DNMBP: variants seen among roughly 807,000 people sequenced by gnomAD.
DNMBP encodes dynamin binding protein, also known as dynamin-binding protein.
Under a neutral mutation model 150.0 loss-of-function variants are expected in DNMBP, and 87 were observed. The ratio of observed to expected loss-of-function variants is 0.58; its 90% CI spans 0.49 to 0.69. The LOEUF (loss-of-function observed/expected upper bound fraction) is 0.69, where lower values mean the gene tolerates loss of function less well. DNMBP is among the 30% of genes least tolerant of loss of function. The pLI is 0.00. For synonymous variants in DNMBP, 711 were observed against 750.4 expected (o/e 0.95, Z 0.86); for missense variants, 1,774 against 1,949.0 (o/e 0.91, Z 1.69).
At chr10:99,958,810 C>T (rs2133336683) in intron 3 of DNMBP, among the ~76,000 whole-genome samples, 1 of 152,270 alleles carries the variant, frequency 6.6e-6, no homozygotes, top group East Asian at 1.9e-4. Flanking sequence ...AAGATTCACA[C>T]TCCAAAAGCA....
chr10:99,941,132 G>T (rs187345712), intron 4 of DNMBP, among the ~76,000 whole-genome samples: 1 of 152,086 alleles, frequency 6.6e-6, no homozygotes, highest in Non-Finnish European at 1.5e-5. Flanking sequence ...TGCTCCGCCC[G>T]CCTCGGCTTC....
Position 99,932,957 on chromosome 10 carries a change from T to C in DNMBP, c.2260+22257A>G, listed in dbSNP as rs570056786. Among the ~76,000 whole-genome samples the C allele has an allele frequency of 1.8e-4, 28 of 151,442 alleles. No homozygotes were observed. In the South Asian group the frequency reaches 4.8e-3, roughly 26 times the overall value. On this transcript the variant is annotated intron_variant, in intron 4 of 16. Transcript: ENST00000324109. Reference sequence around the variant, plus strand: ...GGGGAATAGCTTGTATGACTCTTTCTGATGAAAAACAGAGACTTACGGTTC... The same window carrying C: ...GGGGAATAGCTTGTATGACTCTTTCCGATGAAAAACAGAGACTTACGGTTC...
chr10:99,898,251 G>A lies in DNMBP; in HGVS notation c.2755C>T (p.Leu919Phe). The change falls in exon 9 of 17, where the codon CTC becomes TTC. Residue 919 changes from leucine to phenylalanine, a missense_variant. Physicochemically the swap from Leu to Phe is conservative, Grantham distance 22. Transcript: ENST00000324109. ...ATTACTCTCTGTACTGGTTTGATGA[G>A]GAAGGAGCCCAGGTTAATATAATTT... ...CTNYINLGSF[L>F]IKPVQRVMRY... The A allele has an allele frequency of 6.2e-7, 1 of 1,614,006 alleles. No individual in the cohort carries two copies. Among genetic ancestry groups the A allele is most frequent in the Non-Finnish European group, 8.5e-7 (1 of 1,179,960 alleles).
chr10:99,992,831 T>C (rs1564757538), intron 1 of DNMBP, among the ~76,000 whole-genome samples: 1 of 152,054 alleles, frequency 6.6e-6, no homozygotes, highest in African/African-American at 2.4e-5. Flanking sequence ...CGGCCGAGTC[T>C]AGGAGTTTTA....
In DNMBP at chr10:99,879,924, C is replaced by A. The variant is rs140468338; in HGVS notation, c.4435G>T (p.Val1479Leu). Residue 1479 changes from valine (V) to leucine (L), a missense_variant, in exon 16 of 17, where the codon GTA becomes TTA. Transcript: ENST00000324109. ...FRHPEIVGYS[V>L]PGRNGQSQDL... ...TGACTTTGCCCATTTCGTCCTGGTA[C>A]GGAGTAGCCAACTATTTCTGGATGC... is the stretch of plus-strand genomic sequence containing the variant. 6.2e-7 allele frequency: 1 copy of A among 1,614,136 alleles called. No homozygotes were observed. The highest frequency in any genetic ancestry group is 8.5e-7 in the Non-Finnish European group (1 of 1,180,052).
At chr10:99,930,911 C>A (rs981862102) in intron 4 of DNMBP, 2 of 546,522 alleles carry the variant, frequency 3.7e-6, no homozygotes, top group Non-Finnish European at 6.4e-6. Context: ...TTGCTCTAGT[C>A]GGAGCGCAGT....
intron 4 of DNMBP, among the ~76,000 whole-genome samples, chr10:99,926,421 TA>T (rs1426046471): frequency 6.6e-6 from 1 of 152,050 alleles, no homozygotes; most frequent in Non-Finnish European, 1.5e-5. Flanking sequence ...ACAGATATTT[TA>T]AAAAATAACT....
intron 2 of DNMBP, among the ~76,000 whole-genome samples, chr10:99,970,111 T>G (rs1325318888): frequency 6.6e-6 from 1 of 152,186 alleles, no homozygotes; most frequent in African/African-American, 2.4e-5. Flanking sequence ...GTTCTCACAT[T>G]CCAGGGACCT....
intron 1 of DNMBP, among the ~76,000 whole-genome samples, chr10:99,977,780 T>A (rs1047827442): frequency 6.6e-5 from 10 of 152,136 alleles, no homozygotes; most frequent in Non-Finnish European, 1.0e-4. Context: ...CTTTTAAAAA[T>A]TTTTTTCCAA....
At chr10:99,974,848 C>T (rs1249610388) in intron 1 of DNMBP, among the ~76,000 whole-genome samples, 1 of 152,184 alleles carries the variant, frequency 6.6e-6, no homozygotes, top group Non-Finnish European at 1.5e-5. Context: ...ACCGTAGCCT[C>T]GATATCCAGG....
At chr10:99,967,288 G>A (rs2040629131) in intron 3 of DNMBP, among the ~76,000 whole-genome samples, 1 of 152,116 alleles carries the variant, frequency 6.6e-6, no homozygotes, top group Non-Finnish European at 1.5e-5. Context: ...AGCACTTTGG[G>A]AGGCCAAGGT....
Position 99,972,076 on chromosome 10 carries a change from C to T in DNMBP, c.49G>A (p.Val17Ile), listed in dbSNP as rs373271192. Reference protein sequence around the residue: ...VRAIFDFCPSVSEELPLFVGD... With the variant: ...VRAIFDFCPSISEELPLFVGD... The stretch of plus-strand genomic sequence containing the variant: ...ACAAAGAGCGGCAGTTCTTCTGATA[C>T]GCTAGGGCAGAAGTCAAAAATGGCT... Residue 17 changes from valine to isoleucine, a missense_variant, in exon 2 of 17, where the codon GTA (valine) becomes ATA (isoleucine). Val to Ile is a conservative substitution (Grantham distance 29). Coordinates refer to ENST00000324109, the MANE Select transcript of DNMBP (RefSeq NM_015221.4). The T allele has an allele frequency of 2.2e-4, 361 of 1,613,946 alleles. 2 individuals are homozygous for T. The South Asian group carries it at 2.9e-3, about 13-fold the overall frequency.
intron 1 of DNMBP, among the ~76,000 whole-genome samples, chr10:99,990,165 AG>A (rs1230157922): frequency 1.3e-5 from 2 of 152,206 alleles, no homozygotes; most frequent in Non-Finnish European, 2.9e-5. Flanking sequence ...GAGGTTTCAC[AG>A]GACTTATTTC....
chr10:99,898,728 A>T lies in DNMBP; in HGVS notation c.2720+15T>A. The T allele has an allele frequency of 6.2e-7, 1 of 1,613,766 alleles. No homozygotes were observed. The highest frequency in any genetic ancestry group is 8.5e-7 in the Non-Finnish European group (1 of 1,179,732). ...GAAGAAATGAGCGCATACATCAAGC[A>T]GCAATGGAACTTACCATTCGTTGTA... is the stretch of plus-strand genomic sequence containing the variant. On this transcript the variant is annotated intron_variant, in intron 8 of 16. Transcript: ENST00000324109.
intron 4 of DNMBP, among the ~76,000 whole-genome samples, chr10:99,921,326 C>A (rs1221848968): frequency 1.3e-5 from 2 of 152,332 alleles, no homozygotes; most frequent in East Asian, 3.9e-4. Flanking sequence ...CCTCGAAATT[C>A]ACCTCTTCGG....
intron 4 of DNMBP, among the ~76,000 whole-genome samples, chr10:99,916,514 C>T (rs1221388288): frequency 3.9e-5 from 6 of 152,068 alleles, no homozygotes; most frequent in East Asian, 3.9e-4. Flanking sequence ...AAATATGCAA[C>T]GGTATTCCAG....
At chr10:99,917,157 G>A (rs2039973474) in intron 4 of DNMBP, among the ~76,000 whole-genome samples, 1 of 152,188 alleles carries the variant, frequency 6.6e-6, no homozygotes. Context: ...AGGAGTTCAA[G>A]ACCAGCCTGG....
At chr10:99,891,451 A>C (rs1304318995) in intron 11 of DNMBP, among the ~76,000 whole-genome samples, 1 of 151,996 alleles carries the variant, frequency 6.6e-6, no homozygotes, top group East Asian at 1.9e-4. Context: ...CCGGGATTGC[A>C]GACGGAGTCT....
chr10:99,998,436 C>T (rs1002460215), intron 1 of DNMBP, among the ~76,000 whole-genome samples: 11 of 151,504 alleles, frequency 7.3e-5, no homozygotes, highest in East Asian at 5.8e-4. Context: ...AAACATTAGC[C>T]GGGTATAGTG....
Sources: gnomAD v4.1 joint callset for allele counts (sites outside exome capture counted in the v4.1 genomes callset) on GRCh38, gnomAD v4.1.1 for gene constraint, MANE v1.5 for transcripts, NCBI Gene and HGNC (gene_info 2026-07-23, HGNC 2026-07-21) for gene names.